Variants in FBXO11 observed in about 807,000 individuals in gnomAD.
The protein encoded by FBXO11 is F-box protein 11.
Under a neutral mutation model 117.0 loss-of-function variants are expected in FBXO11, and 13 were observed. The ratio of observed to expected loss-of-function variants is 0.11; its 90% confidence interval spans 0.07 to 0.18. The LOEUF is 0.18. Ranked by LOEUF, FBXO11 falls within the 10% of genes least tolerant of loss-of-function variation. The pLI is 1.00. For synonymous variants in FBXO11, 490 were observed against 380.5 expected, an observed-to-expected ratio of 1.29 and a Z score of -3.35; for missense variants, 767 against 1,164.4, an observed-to-expected ratio of 0.66 and a Z score of 4.97.
At position 47,871,824 on chromosome 2, in the gene FBXO11, C is replaced by T. The variant is rs115379938; in HGVS notation, c.233-32055G>A. Among the ~76,000 whole-genome samples the T allele has an allele frequency of 2.3e-3, 356 of 152,260 alleles. 2 individuals are homozygous for T. Among genetic ancestry groups the T allele is most frequent in the African/African-American group, 8.1e-3 (337 of 41,554 alleles). ...AATTCTGACATAAACAAATTCATTC[C>T]ACTTTTTGACATGAGCAATGTGCTT... On this transcript the variant is annotated intron_variant, in intron 1 of 22. Coordinates refer to ENST00000403359, the MANE Select transcript of FBXO11 (RefSeq NM_001190274.2).
chr2:47,808,462 CAT>C (rs770753002), intron 21 of FBXO11, 35 bp from the exon 22 acceptor site: 22 of 1,528,052 alleles, frequency 1.4e-5, no homozygotes, highest in African/African-American at 4.2e-5. Flanking sequence ...TTTTCTCAAA[CAT>C]GTCATTAATG....
At chr2:47,875,521 A>G (rs1675937635) in intron 1 of FBXO11, among the ~76,000 whole-genome samples, 1 of 151,660 alleles carries the variant, frequency 6.6e-6, no homozygotes, top group African/African-American at 2.4e-5. Flanking sequence ...AGCACAGTAT[A>G]AATAATTGAT....
chr2:47,867,078 C>G (rs1247926817), intron 1 of FBXO11, among the ~76,000 whole-genome samples: 1 of 152,122 alleles, frequency 6.6e-6, no homozygotes, highest in African/African-American at 2.4e-5. Context: ...CAGATTTTGT[C>G]TAACATTGCT....
rs1238192291 is a variant in FBXO11 at position 47,896,759 on chromosome 2, T to C, written c.232+8730A>G. Among the ~76,000 whole-genome samples, 7 of 152,346 alleles carry C rather than the reference T, an allele frequency of 4.6e-5. No homozygotes were observed. The East Asian group carries it at 1.2e-3, about 25-fold the overall frequency. On this transcript the variant is annotated intron_variant, in intron 1 of 22. Transcript: ENST00000403359. ...TTAATGAAGACATCAGTCATTCATA[T>C]GTAAGTGTGAAGTAGTATAGTGGCT...
intron 3 of FBXO11, 118 bp downstream of exon 3, chr2:47,839,301 T>C (rs567529841): frequency 1.2e-4 from 115 of 935,836 alleles, no homozygotes; most frequent in Middle Eastern, 2.4e-4. Flanking sequence ...TATTCTGTAA[T>C]AATCACTTTC....
At chr2:47,810,185 T>C (rs1670519761) in intron 19 of FBXO11, 131 bp downstream of exon 19, 1 of 598,866 alleles carries the variant, frequency 1.7e-6, no homozygotes, top group Non-Finnish European at 2.9e-6. Flanking sequence ...TGTAAGTGAA[T>C]GAACAGGCAT....
At chr2:47,818,736 CCTAA>C in intron 16 of FBXO11, 39 bp downstream of exon 16, 1 of 1,430,954 alleles carries the variant, frequency 7.0e-7, no homozygotes, top group Non-Finnish European at 9.5e-7. Flanking sequence ...CCCACATACT[CCTAA>C]CTCCCTCCCA....
Position 47,905,641 on chromosome 2 carries a change from GGCT to G in FBXO11, c.77_79del (p.Gln26del), listed in dbSNP as rs771605473. ...CGGCTGCGGCGGCGGCTGCTGCGGG[GGCT>G]GCTGCTGCTGTTGCTGCACCGGGCG... On this transcript the variant is annotated inframe_deletion, in exon 1 of 23. Coordinates refer to ENST00000403359, the MANE Select transcript of FBXO11 (RefSeq NM_001190274.2). 2.2e-5 allele frequency: 31 copies of G among 1,433,384 alleles called. No homozygotes were observed. Among genetic ancestry groups the G allele is most frequent in the South Asian group, 7.0e-5 (5 of 71,764 alleles). The allele number at this position is 1,433,384 out of a possible 1,614,324, so 88.8% of individuals were successfully genotyped here.
At chr2:47,852,206 T>C (rs532167736) in intron 1 of FBXO11, among the ~76,000 whole-genome samples, 19 of 152,194 alleles carry the variant, frequency 1.2e-4, no homozygotes, top group Non-Finnish European at 4.4e-5. Flanking sequence ...GCCAGGGTGG[T>C]CTCGAACTCC....
intron 1 of FBXO11, among the ~76,000 whole-genome samples, chr2:47,850,576 T>A (rs555544533): frequency 6.6e-6 from 1 of 152,198 alleles, no homozygotes; most frequent in South Asian, 2.1e-4. Context: ...ACTGTTGATG[T>A]CAAAATTAAC....
intron 1 of FBXO11, among the ~76,000 whole-genome samples, chr2:47,877,587 G>C (rs1290783965): frequency 2.6e-5 from 4 of 152,046 alleles, no homozygotes; most frequent in African/African-American, 7.2e-5. Context: ...TAAGTTGCAT[G>C]GTGTGTGTGT....
At chr2:47,888,098 G>A (rs1677001251) in intron 1 of FBXO11, among the ~76,000 whole-genome samples, 1 of 136,336 alleles carries the variant, frequency 7.3e-6, no homozygotes, top group Non-Finnish European at 1.6e-5. Context: ...AGGGTGCCAG[G>A]CACTCATGAT....
intron 1 of FBXO11, among the ~76,000 whole-genome samples, chr2:47,866,941 TTCTCTGGCATCTTTTA>T (rs1675245821): frequency 6.6e-6 from 1 of 152,198 alleles, no homozygotes; most frequent in African/African-American, 2.4e-5. Context: ...ATGTTTTGTG[TTCTCTGGCATCTTTTA>T]TATGTACTCA....
chr2:47,886,501 CAAAAAAA>C (rs368848073), intron 1 of FBXO11, among the ~76,000 whole-genome samples: 2 of 82,658 alleles, frequency 2.4e-5, no homozygotes, highest in Non-Finnish European at 2.5e-5. Flanking sequence ...GCGAGACTCT[CAAAAAAA>C]AAAAAAAAAA....
intron 1 of FBXO11, among the ~76,000 whole-genome samples, chr2:47,866,531 T>C (rs992909655): frequency 6.6e-6 from 1 of 151,740 alleles, no homozygotes; most frequent in African/African-American, 2.4e-5. Flanking sequence ...TGGAGTACAG[T>C]GGCGTGATCT....
chr2:47,887,573 T>G (rs1676955124), intron 1 of FBXO11, among the ~76,000 whole-genome samples: 1 of 151,576 alleles, frequency 6.6e-6, no homozygotes, highest in African/African-American at 2.4e-5. Flanking sequence ...ACAAAACACT[T>G]TGTGGGGCCA....
chr2:47,842,096 A>G (rs957628224), intron 1 of FBXO11, among the ~76,000 whole-genome samples: 1 of 150,844 alleles, frequency 6.6e-6, no homozygotes, highest in Non-Finnish European at 1.5e-5. Flanking sequence ...GCTCACTGCA[A>G]CCTCCGTCTC....
rs1427369627 is a variant in FBXO11, at chr2:47,905,876, C to T, written c.-156G>A. On this transcript the variant is annotated 5_prime_UTR_variant, in exon 1 of 23. Transcript: ENST00000403359. ...AGACGCTGAGGGCGGAGGGGGCGAG[C>T]GGGACCCCGAGTCCGGAGAAAGGCC... The T allele has an allele frequency of 2.8e-5, 21 of 747,474 alleles. No individual in the cohort carries two copies. Among genetic ancestry groups the T allele is most frequent in the Non-Finnish European group, 3.9e-5 (20 of 507,898 alleles). The allele number at this position is 747,474 out of a possible 1,614,324, so 46.3% of individuals were successfully genotyped here. A position where few individuals can be genotyped will look rare whatever the true frequency, so the allele number is the denominator to read the frequency against.
chr2:47,826,760 C>G (rs1449210530), intron 11 of FBXO11, among the ~76,000 whole-genome samples: 1 of 152,052 alleles, frequency 6.6e-6, no homozygotes, highest in Admixed American at 6.6e-5. Context: ...GTCCAAATCA[C>G]CTCTTCTTTT....
Sources: gnomAD v4.1 joint callset for allele counts (sites outside exome capture counted in the v4.1 genomes callset) on GRCh38, gnomAD v4.1.1 for gene constraint, MANE v1.5 for transcripts, NCBI Gene and HGNC (gene_info 2026-07-23, HGNC 2026-07-21) for gene names.